The following SMCHD1 variants were observed in gnomAD, a reference collection of about 807,000 sequenced individuals.
SMCHD1 encodes structural maintenance of chromosomes flexible hinge domain-containing protein 1.
In SMCHD1, 78 loss-of-function variants were observed where a neutral mutation model predicts 254.7. That is an observed-to-expected ratio of 0.31 (90% CI 0.26 to 0.37). The LOEUF is 0.37. Among genes scored for constraint, SMCHD1 ranks in the 10% least tolerant of loss-of-function variants. SMCHD1 has a pLI of 1.00. For missense variants in SMCHD1, 1,840 were observed against 2,408.1 expected (o/e 0.76, Z 4.94); for synonymous variants, 766 against 794.9 (o/e 0.96, Z 0.61).
At chr18:2,741,588 C>A (rs1036134601) in intron 28 of SMCHD1, among the ~76,000 whole-genome samples, 1 of 152,150 alleles carries the variant, frequency 6.6e-6, no homozygotes. Context: ...TAATGTCGAG[C>A]ATCATTTTCA....
rs1011114157 is a variant in SMCHD1 at position 2,752,520 on chromosome 18, T to G, written c.4314T>G (p.Asp1438Glu). 1.9e-6 allele frequency: 3 copies of G among 1,598,132 alleles called. No homozygotes were observed. Among genetic ancestry groups the G allele is most frequent in the Non-Finnish European group, 2.6e-6 (3 of 1,166,154 alleles). Residue 1438 changes from aspartate to glutamate, a missense_variant, in exon 34 of 48, where the codon GAT becomes GAG. Coordinates refer to ENST00000320876, the MANE Select transcript of SMCHD1 (RefSeq NM_015295.3). ...AETFSCNKIK[D>E]NDKEDGCFYF... ...CATTTAGTTGTAATAAAATAAAAGA[T>G]AATGACAAAGAAGATGGCTGCTTCT...
intron 5 of SMCHD1, among the ~76,000 whole-genome samples, chr18:2,685,626 A>C (rs781733777): frequency 1.3e-5 from 2 of 152,124 alleles, no homozygotes; most frequent in African/African-American, 2.4e-5. Flanking sequence ...TCCCACTCTT[A>C]GCCCCTGGTA....
chr18:2,792,166 A>G (rs2076178665), intron 45 of SMCHD1, among the ~76,000 whole-genome samples: 1 of 152,216 alleles, frequency 6.6e-6, no homozygotes, highest in Non-Finnish European at 1.5e-5. Context: ...AAACAGCAAT[A>G]CTGTCATGTG....
intron 47 of SMCHD1, 81 bp downstream of exon 47, chr18:2,796,602 A>T: frequency 1.1e-6 from 1 of 947,988 alleles, no homozygotes; most frequent in Non-Finnish European, 1.6e-6. Flanking sequence ...TTTTTTTGAG[A>T]TGAAGTCTTG....
intron 31 of SMCHD1, 103 bp downstream of exon 31, chr18:2,750,225 C>A: frequency 2.8e-6 from 4 of 1,409,324 alleles, no homozygotes; most frequent in South Asian, 2.6e-5. Flanking sequence ...TAATGTTAGG[C>A]AAGAGTTGGG....
At chr18:2,740,608 A>C (rs1290608281) in intron 27 of SMCHD1, 95 bp from the exon 28 acceptor site, 1 of 527,774 alleles carries the variant, frequency 1.9e-6, no homozygotes, top group African/African-American at 2.0e-5. Context: ...AAGAGAACAA[A>C]GAGTAAGTTT....
At chr18:2,703,244 A>G (rs2074443391) in intron 12 of SMCHD1, among the ~76,000 whole-genome samples, 2 of 152,082 alleles carry the variant, frequency 1.3e-5, no homozygotes, top group African/African-American at 4.8e-5. Flanking sequence ...CAGATTTACC[A>G]TCTATCTGTT....
intron 3 of SMCHD1, among the ~76,000 whole-genome samples, chr18:2,669,154 TG>T (rs145667166): frequency 0.19 from 28,267 of 151,928 alleles, 2,887 homozygotes; most frequent in South Asian, 0.27. Context: ...AGGACCGGCC[TG>T]GGGGACATGA....
chr18:2,704,517 A>G (rs2074471934), intron 13 of SMCHD1, among the ~76,000 whole-genome samples: 1 of 152,094 alleles, frequency 6.6e-6, no homozygotes, highest in Non-Finnish European at 1.5e-5. Context: ...TAGTGTAAGC[A>G]TAAATAATAG....
chr18:2,718,264 T>G lies in SMCHD1; in HGVS notation c.2338+29T>G, dbSNP rs1418002813. 6.2e-7 allele frequency: 1 copy of G among 1,609,890 alleles called. No individual in the cohort carries two copies. The highest frequency in any genetic ancestry group is 2.2e-5 in the East Asian group (1 of 44,738). ...AGTTCTTATTCTGAATGTTAAAAAA[T>G]ACATTGGTATTGTGTTGACTTGATT... is the stretch of plus-strand genomic sequence containing the variant. On this transcript the variant is annotated intron_variant, in intron 18 of 47. Transcript: ENST00000320876. The surrounding 1 kb of genome is among the most constrained non-coding windows in gnomAD (Gnocchi z 4.6).
At chr18:2,785,647 C>CA (rs1555656125) in intron 45 of SMCHD1, among the ~76,000 whole-genome samples, 5 of 12,674 alleles carry the variant, frequency 3.9e-4, no homozygotes, top group Admixed American at 1.0e-3. Context: ...GACTCTGTCT[C>CA]AAAAAAAAAA....
In SMCHD1 at chr18:2,703,654, A is replaced by G. The variant is rs772074616; in HGVS notation, c.1648-38A>G. 6 of 1,482,758 alleles carry G rather than the reference A, an allele frequency of 4.0e-6. No homozygotes were observed. In the South Asian group the frequency reaches 4.8e-5, roughly 12 times the overall value. The allele number at this position is 1,482,758 out of a possible 1,614,324, so 91.9% of individuals were successfully genotyped here. Reference sequence around the variant, plus strand: ...ATGTTTATGGTTATATTTGTTTGCTAGTAGCTATATTTCATAAAACATTTT... The same window carrying G: ...ATGTTTATGGTTATATTTGTTTGCTGGTAGCTATATTTCATAAAACATTTT... On this transcript the variant is annotated intron_variant, in intron 12 of 47. Coordinates refer to ENST00000320876, the MANE Select transcript of SMCHD1 (RefSeq NM_015295.3).
chr18:2,705,471 A>G (rs2074491814), intron 13 of SMCHD1, among the ~76,000 whole-genome samples: 1 of 152,298 alleles, frequency 6.6e-6, no homozygotes, highest in East Asian at 1.9e-4. Context: ...ACACATTTGT[A>G]TAAAGAAGCT....
rs530994198 is a variant in SMCHD1 at position 2,679,827 on chromosome 18, C to A, written c.638+5682C>A. Among the ~76,000 whole-genome samples the A allele has an allele frequency of 3.3e-5, 5 of 152,212 alleles. No homozygotes were observed. The East Asian group carries it at 9.6e-4, about 29-fold the overall frequency. On this transcript the variant is annotated intron_variant, in intron 5 of 47. Transcript: ENST00000320876. Reference sequence around the variant, plus strand: ...TAAGTATTCTTTCTCTCCTTTGCTTCTATGACTCCTCTTATCCATATACTT... The same window carrying A: ...TAAGTATTCTTTCTCTCCTTTGCTTATATGACTCCTCTTATCCATATACTT...
intron 42 of SMCHD1, among the ~76,000 whole-genome samples, chr18:2,776,680 A>G (rs2076071503): frequency 6.6e-6 from 1 of 152,190 alleles, no homozygotes; most frequent in South Asian, 2.1e-4. Flanking sequence ...TTGCATAGGA[A>G]TGGGGACTTG....
chr18:2,772,219 C>A, intron 40 of SMCHD1, 31 bp from the exon 41 acceptor site: 2 of 1,522,170 alleles, frequency 1.3e-6, no homozygotes, highest in South Asian at 1.3e-5. Context: ...AGTAATTGGT[C>A]TTGTAGTTAA....
intron 45 of SMCHD1, among the ~76,000 whole-genome samples, chr18:2,793,528 G>A (rs1644823300): frequency 6.6e-6 from 1 of 151,948 alleles, no homozygotes; most frequent in South Asian, 2.1e-4. Context: ...AGCTGGGTGT[G>A]GTGGCGGGCG....
chr18:2,734,945 C>G (rs663411), intron 25 of SMCHD1, among the ~76,000 whole-genome samples: 58,305 of 151,318 alleles, frequency 0.39, 11,779 homozygotes, highest in Non-Finnish European at 0.45. Flanking sequence ...GTGGCGGGCA[C>G]CTGTGATCCC....
chr18:2,775,691 A>G, intron 41 of SMCHD1, 43 bp from the exon 42 acceptor site: 3 of 1,522,322 alleles, frequency 2.0e-6, no homozygotes, highest in Non-Finnish European at 2.7e-6. Context: ...AAATTTTTAT[A>G]TATGGATTTT....
Sources: allele counts gnomAD v4.1 joint callset (sites outside exome capture counted in the v4.1 genomes callset), GRCh38; gene constraint gnomAD v4.1.1; non-coding constraint Gnocchi (gnomAD v3.1); transcripts MANE v1.5; gene names NCBI Gene and HGNC (gene_info 2026-07-23, HGNC 2026-07-21).